The following EYS variants were observed in gnomAD, a reference collection of about 807,000 sequenced individuals.
The protein encoded by EYS is protein eyes shut homolog.
EYS carries 250 observed loss-of-function variants against 282.1 expected under a neutral mutation model. The observed-to-expected ratio is 0.89, with a 90% CI of 0.80 to 0.98. The LOEUF (loss-of-function observed/expected upper bound fraction) is 0.98. Among genes scored for constraint, EYS ranks in the 50% least tolerant of loss-of-function variants. EYS has a pLI of 0.00. For synonymous variants in EYS, 1,355 were observed against 1,282.9 expected (o/e 1.06, Z -1.20); for missense variants, 4,016 against 3,709.0 (o/e 1.08, Z -2.15).
intron 31 of EYS, among the ~76,000 whole-genome samples, chr6:64,159,429 A>T (rs764256832): frequency 4.0e-5 from 6 of 151,812 alleles, no homozygotes; most frequent in African/African-American, 1.5e-4. Context: ...GTGTGGTGGC[A>T]GGCACCTGTA....
Position 63,950,235 on chromosome 6 carries a change from T to C in EYS, c.7055+34148A>G, listed in dbSNP as rs114469341. ...AAAAAACAAAACCTGCTTGTCAGGCTTCTGGGCCCAAGCCTGCACACAGAT... is the reference window on the plus strand; with the variant it reads ...AAAAAACAAAACCTGCTTGTCAGGCCTCTGGGCCCAAGCCTGCACACAGAT... On this transcript the variant is annotated intron_variant, in intron 35 of 42. Transcript: ENST00000503581. 8.7e-4 allele frequency among the ~76,000 whole-genome samples: 132 copies of C among 150,992 alleles called. 1 individual carries two copies. The highest frequency in any genetic ancestry group is 3.1e-3 in the African/African-American group (128 of 41,218).
At chr6:65,219,356 G>T (rs188495038) in intron 12 of EYS, among the ~76,000 whole-genome samples, 1 of 152,208 alleles carries the variant, frequency 6.6e-6, no homozygotes, top group East Asian at 1.9e-4. Context: ...TTGGTGATTG[G>T]TAAAACCATA....
chr6:63,960,992 T>A (rs1487205502), intron 35 of EYS, among the ~76,000 whole-genome samples: 1 of 152,204 alleles, frequency 6.6e-6, no homozygotes, highest in Non-Finnish European at 1.5e-5. Flanking sequence ...CCTACCTGTA[T>A]GTGAATCTAT....
At chr6:64,634,120 A>C (rs1767887480) in intron 22 of EYS, among the ~76,000 whole-genome samples, 1 of 152,148 alleles carries the variant, frequency 6.6e-6, no homozygotes, top group African/African-American at 2.4e-5. Context: ...AGTAGCTGGG[A>C]CTACAGGTGT....
chr6:64,876,752 C>T (rs1766762575), intron 19 of EYS, among the ~76,000 whole-genome samples: 1 of 151,970 alleles, frequency 6.6e-6, no homozygotes, highest in Non-Finnish European at 1.5e-5. Flanking sequence ...TACAGAAAAG[C>T]ATGCTATCAG....
chr6:64,860,220 G>T (rs995504331), intron 19 of EYS, among the ~76,000 whole-genome samples: 1 of 152,180 alleles, frequency 6.6e-6, no homozygotes, highest in East Asian at 1.9e-4. Context: ...GAATCCTTGG[G>T]CTGTCACTTT....
At chr6:65,680,556 A>G (rs1329032327) in intron 1 of EYS, among the ~76,000 whole-genome samples, 1 of 151,962 alleles carries the variant, frequency 6.6e-6, no homozygotes, top group African/African-American at 2.4e-5. Flanking sequence ...AGAAAAATGG[A>G]TCACTTCTAT....
chr6:65,222,624 A>T (rs938998965), intron 12 of EYS, among the ~76,000 whole-genome samples: 4 of 152,210 alleles, frequency 2.6e-5, no homozygotes, highest in African/African-American at 9.6e-5. Flanking sequence ...CCAAAGTAAA[A>T]CAGAATCAAA....
intron 11 of EYS, among the ~76,000 whole-genome samples, chr6:65,302,076 A>G (rs1392556898): frequency 2.0e-5 from 3 of 152,252 alleles, no homozygotes; most frequent in African/African-American, 7.2e-5. Context: ...TTGACTCTCA[A>G]GTTCATCTTT....
intron 30 of EYS, among the ~76,000 whole-genome samples, chr6:64,297,603 A>G (rs929530265): frequency 7.9e-5 from 12 of 152,242 alleles, no homozygotes; most frequent in Admixed American, 3.9e-4. Flanking sequence ...GCTAGAAGAC[A>G]AAAGTTTAAA....
intron 13 of EYS, among the ~76,000 whole-genome samples, chr6:65,006,439 A>G (rs999797175): frequency 6.7e-6 from 1 of 148,870 alleles, no homozygotes; most frequent in Non-Finnish European, 1.5e-5. Flanking sequence ...CTAAAAGTAG[A>G]AAAGTAACTT....
At chr6:64,918,802 G>A (rs2150080183) in intron 15 of EYS, among the ~76,000 whole-genome samples, 1 of 152,248 alleles carries the variant, frequency 6.6e-6, no homozygotes, top group Non-Finnish European at 1.5e-5. Context: ...TGGCACTGAT[G>A]CTTAATATGT....
intron 12 of EYS, among the ~76,000 whole-genome samples, chr6:65,165,460 A>G (rs1581972681): frequency 6.6e-6 from 1 of 150,984 alleles, no homozygotes; most frequent in South Asian, 2.1e-4. Context: ...ACAGAATCCT[A>G]TTTTTCAGAA....
intron 12 of EYS, among the ~76,000 whole-genome samples, chr6:65,175,523 G>A (rs1299408110): frequency 1.3e-5 from 2 of 151,244 alleles, no homozygotes; most frequent in African/African-American, 4.8e-5. Context: ...AAATTAAAAT[G>A]AAGAAAAATA....
chr6:64,864,221 A>T (rs562656708), intron 19 of EYS, among the ~76,000 whole-genome samples: 29 of 152,058 alleles, frequency 1.9e-4, no homozygotes, highest in Non-Finnish European at 3.5e-4. Flanking sequence ...AAATGGAAGG[A>T]TATGTTTTTG....
intron 30 of EYS, among the ~76,000 whole-genome samples, chr6:64,288,608 A>C (rs1768583604): frequency 6.6e-6 from 1 of 152,140 alleles, no homozygotes; most frequent in Admixed American, 6.6e-5. Context: ...GCCTGATAAC[A>C]CATCCTCATA....
intron 35 of EYS, among the ~76,000 whole-genome samples, chr6:63,942,947 T>A (rs1020352351): frequency 1.3e-5 from 2 of 152,228 alleles, no homozygotes; most frequent in African/African-American, 4.8e-5. Flanking sequence ...TACATTTTCT[T>A]ATGATTTTCT....
intron 31 of EYS, among the ~76,000 whole-genome samples, chr6:64,193,552 C>T (rs1765183583): frequency 6.6e-6 from 1 of 151,976 alleles, no homozygotes; most frequent in African/African-American, 2.4e-5. Flanking sequence ...GCACAACCTG[C>T]AGGTTTGTTA....
At chr6:65,115,966 A>ATCATCCATCTATCTATCT (rs1554154790) in intron 12 of EYS, among the ~76,000 whole-genome samples, 6 of 144,852 alleles carry the variant, frequency 4.1e-5, no homozygotes, top group African/African-American at 1.6e-4. Context: ...CTGTCTATCT[A>ATCATCCATCTATCTATCT]ATCTATCTAT....
Sources: allele counts gnomAD v4.1 joint callset (sites outside exome capture counted in the v4.1 genomes callset), GRCh38; gene constraint gnomAD v4.1.1; transcripts MANE v1.5; gene names NCBI Gene and HGNC (gene_info 2026-07-23, HGNC 2026-07-21).